The following TACR2 variants were observed in gnomAD, a reference collection of about 807,000 sequenced individuals.
The protein encoded by TACR2 is substance-K receptor.
TACR2 carries 24 observed loss-of-function variants against 28.9 expected under a neutral mutation model. The observed-to-expected ratio is 0.83, with a 90% CI of 0.60 to 1.17. TACR2 has a LOEUF of 1.17. Among genes scored for constraint, TACR2 ranks in the 50% most tolerant of loss-of-function variants. The probability of loss-of-function intolerance (pLI) is 0.00; values close to 1 mark genes in which losing one functional copy is unlikely to be tolerated. For synonymous variants in TACR2, 222 were observed against 212.6 expected (o/e 1.04, Z -0.38); for missense variants, 487 against 524.4 (o/e 0.93, Z 0.70).
chr10:69,409,911 A>ATG (rs1398712025), intron 2 of TACR2, among the ~76,000 whole-genome samples: 1 of 23,336 alleles, frequency 4.3e-5, no homozygotes, highest in African/African-American at 1.8e-4. Context: ...ATACATATAT[A>ATG]TATATATATA....
chr10:69,404,678 A>G lies in TACR2; in HGVS notation c.*148T>C, dbSNP rs552610747. On this transcript the variant is annotated 3_prime_UTR_variant, in exon 5 of 5. Transcript: ENST00000373306. ...AAACTGAGGACACCACACTCTTTCT[A>G]ACAACTTGTTATTTTGGGAACTAGT... 2.1e-6 allele frequency: 1 copy of G among 476,404 alleles called. No individual in the cohort carries two copies. The highest frequency in any genetic ancestry group is 2.0e-5 in the African/African-American group (1 of 50,448). 29.5% of individuals were successfully genotyped at this position (476,404 alleles called of 1,614,324 possible).
At position 69,415,180 on chromosome 10, in the gene TACR2, T is replaced by G; in HGVS notation, c.393-41A>C. On this transcript the variant is annotated intron_variant, in intron 1 of 4. Coordinates refer to ENST00000373306, the MANE Select transcript of TACR2 (RefSeq NM_001057.3). ...AGCTTGAGCGGCAGGGGCCCTCCTGTTAGCCCAGCTCCCTTTCCCCTGTCT... is the reference window on the plus strand; with the variant it reads ...AGCTTGAGCGGCAGGGGCCCTCCTGGTAGCCCAGCTCCCTTTCCCCTGTCT... The G allele has an allele frequency of 1.9e-6, 3 of 1,578,952 alleles. No individual in the cohort carries two copies. The South Asian group carries it at 3.5e-5, about 18-fold the overall frequency.
At chr10:69,410,424 G>A (rs182938173) in intron 2 of TACR2, among the ~76,000 whole-genome samples, 2 of 151,970 alleles carry the variant, frequency 1.3e-5, no homozygotes, top group Admixed American at 1.3e-4. Context: ...AGGAGGCTGA[G>A]GCAAGAGGTT....
intron 4 of TACR2, among the ~76,000 whole-genome samples, chr10:69,406,042 TAG>T (rs1358646362): frequency 6.6e-6 from 1 of 152,210 alleles, no homozygotes; most frequent in African/African-American, 2.4e-5. Context: ...TCTCAGGAGA[TAG>T]AGAGTTCTGG....
At chr10:69,414,023 G>A (rs1022274088) in intron 2 of TACR2, among the ~76,000 whole-genome samples, 6 of 152,180 alleles carry the variant, frequency 3.9e-5, no homozygotes, top group African/African-American at 1.4e-4. Context: ...ACCAGGCCAC[G>A]ACTTGGGCCT....
chr10:69,405,197 C>T lies in TACR2; in HGVS notation c.939-113G>A, dbSNP rs558118698. On this transcript the variant is annotated intron_variant, in intron 4 of 4. Transcript: ENST00000373306. ...CTTCCAGAGGAAAGTCACTGTCTCT[C>T]TCCAAGAGCCTCCCATGGCTCAGGG... is the stretch of plus-strand genomic sequence containing the variant. The T allele has an allele frequency of 2.4e-3, 1,959 of 825,308 alleles. 3 individuals carry two copies. The highest frequency in any genetic ancestry group is 3.3e-3 in the Non-Finnish European group (1,774 of 534,660). The allele number at this position is 825,308 out of a possible 1,614,324, so 51.1% of individuals were successfully genotyped here. A position where few individuals can be genotyped will look rare whatever the true frequency, so the allele number is the denominator to read the frequency against.
chr10:69,405,492 A>T (rs1840494253), intron 4 of TACR2, among the ~76,000 whole-genome samples: 1 of 152,224 alleles, frequency 6.6e-6, no homozygotes, highest in South Asian at 2.1e-4. Context: ...GGCTTTGGCA[A>T]CTTGGGAGAA....
At chr10:69,407,366 C>T (rs553593628) in intron 3 of TACR2, 86 bp from the exon 4 acceptor site, 2 of 1,339,540 alleles carry the variant, frequency 1.5e-6, no homozygotes, top group Non-Finnish European at 2.0e-6. Flanking sequence ...ACCCCTTGCA[C>T]CCACCTGGGA....
chr10:69,415,140 C>CAG lies in TACR2; in HGVS notation c.393-2_393-1insCT, dbSNP rs759381167. The CAG allele has an allele frequency of 1.9e-6, 3 of 1,609,174 alleles. No individual in the cohort carries two copies. The highest frequency in any genetic ancestry group is 8.5e-7 in the Non-Finnish European group (1 of 1,177,862). The stretch of plus-strand genomic sequence containing the variant: ...GAAGGGGTGGACGATGGCCATGTAC[C>CAG]TGTGAGCAGAGGGCAGCTTGAGCGG... On this transcript the variant is annotated splice_acceptor_variant, in intron 1 of 4. Transcript: ENST00000373306. LOFTEE classifies it high-confidence loss of function.
intron 3 of TACR2, among the ~76,000 whole-genome samples, chr10:69,408,102 AG>A (rs1241664990): frequency 6.6e-6 from 1 of 152,150 alleles, no homozygotes. Flanking sequence ...CTTGGACTGA[AG>A]GAGGGTGAAG....
At chr10:69,408,769 CCAGGGCGGGGT>C (rs1840528413) in intron 3 of TACR2, among the ~76,000 whole-genome samples, 142 bp downstream of exon 3, 1 of 151,624 alleles carries the variant, frequency 6.6e-6, no homozygotes, top group Non-Finnish European at 1.5e-5. Flanking sequence ...GGGCGGCTCC[CCAGGGCGGGGT>C]CAGGCCCCGT....
chr10:69,416,319 C>T lies in TACR2; in HGVS notation c.5G>A (p.Gly2Glu), dbSNP rs1483321863. The T allele has an allele frequency of 2.5e-6, 4 of 1,583,800 alleles. No individual in the cohort carries two copies. In the South Asian group the frequency reaches 4.6e-5, roughly 18 times the overall value. The change falls in exon 1 of 5, where the codon GGG (glycine) becomes GAG (glutamate). Residue 2 changes from glycine to glutamate, a missense_variant. Gly to Glu is a moderately conservative substitution (Grantham distance 98). Transcript: ENST00000373306. M[G>E]TCDIVTEANI... ...GGCTTCAGTCACAATGTCACAGGTC[C>T]CCATGGCTGCTTCTGGGTCTGGAAC... is the stretch of plus-strand genomic sequence containing the variant.
chr10:69,409,253 T>C, intron 2 of TACR2, 178 bp from the exon 3 acceptor site: 5 of 550,900 alleles, frequency 9.1e-6, no homozygotes, highest in Non-Finnish European at 1.4e-5. Flanking sequence ...GGGTAGCCTG[T>C]GTGCCAGGAG....
chr10:69,409,937 AT>A lies in TACR2; in HGVS notation c.588-863del, dbSNP rs1564581190. On this transcript the variant is annotated intron_variant, in intron 2 of 4. Transcript: ENST00000373306. ...TATATATATATATATATATATATAT[AT>A]ATATAATCTGTATCTGTCTGGATGG... Among the ~76,000 whole-genome samples, 317 of 116,484 alleles carry A rather than the reference AT, an allele frequency of 2.7e-3. 5 individuals carry two copies. The South Asian group carries it at 0.027, about 10-fold the overall frequency. The allele number at this position is 116,484 out of a possible 152,430, so 76.4% of individuals were successfully genotyped here.
At chr10:69,407,395 C>G (rs778651312) in intron 3 of TACR2, 115 bp from the exon 4 acceptor site, 5 of 987,892 alleles carry the variant, frequency 5.1e-6, no homozygotes, top group Non-Finnish European at 7.4e-6. Context: ...ACACACAGAC[C>G]CCGTTAGCTC....
chr10:69,414,182 T>G (rs568131422), intron 2 of TACR2, among the ~76,000 whole-genome samples: 2 of 152,276 alleles, frequency 1.3e-5, no homozygotes, highest in East Asian at 3.9e-4. Flanking sequence ...AGCTGGGCCA[T>G]GCCTGAATTC....
rs1422516928 is a variant in TACR2, at chr10:69,409,890, CATATATATATATACATATATAT to C, written c.588-837_588-816del. ...GTATATATATATATATACATATATA[CATATATATATATACATATATAT>C]ATATATATATATATATATATATATA... On this transcript the variant is annotated intron_variant, in intron 2 of 4. Transcript: ENST00000373306. Among the ~76,000 whole-genome samples, 15 of 35,354 alleles carry C rather than the reference CATATATATATATACATATATAT, an allele frequency of 4.2e-4. No individual in the cohort carries two copies. The East Asian group carries it at 4.9e-3, about 12-fold the overall frequency. The allele number at this position is 35,354 out of a possible 152,430, so 23.2% of individuals were successfully genotyped here.
intron 2 of TACR2, among the ~76,000 whole-genome samples, chr10:69,409,944 A>ATAG (rs1298701164): frequency 2.2e-5 from 2 of 91,592 alleles, no homozygotes; most frequent in South Asian, 3.7e-4. Flanking sequence ...TATATATATA[A>ATAG]TCTGTATCTG....
At chr10:69,408,564 C>T (rs2133005017) in intron 3 of TACR2, among the ~76,000 whole-genome samples, 1 of 152,296 alleles carries the variant, frequency 6.6e-6, no homozygotes, top group East Asian at 1.9e-4. Flanking sequence ...GCCTCTGCCT[C>T]CCTGAGAGCT....
Sources: gnomAD v4.1 joint callset for allele counts (sites outside exome capture counted in the v4.1 genomes callset) on GRCh38, gnomAD v4.1.1 for gene constraint, MANE v1.5 for transcripts, NCBI Gene and HGNC (gene_info 2026-07-23, HGNC 2026-07-21) for gene names.